RXFP1: variants seen among roughly 807,000 people sequenced by gnomAD.
RXFP1 encodes relaxin receptor 1.
A neutral mutation model predicts 89.8 loss-of-function variants in RXFP1; 73 were observed. That is an observed-to-expected ratio of 0.81 (90% CI 0.67 to 0.99). The LOEUF (loss-of-function observed/expected upper bound fraction) is 0.99. Among genes scored for constraint, RXFP1 ranks in the 50% least tolerant of loss-of-function variants. The pLI is 0.00. For missense variants in RXFP1, 793 were observed against 895.5 expected (o/e 0.89, Z 1.46); for synonymous variants, 277 against 305.5 (o/e 0.91, Z 0.97).
intron 8 of RXFP1, among the ~76,000 whole-genome samples, chr4:158,613,961 T>C (rs1303793144): frequency 1.3e-5 from 2 of 152,206 alleles, no homozygotes; most frequent in Non-Finnish European, 2.9e-5. Flanking sequence ...ATGGATGTCG[T>C]GTTAGCAGGC....
intron 9 of RXFP1, among the ~76,000 whole-genome samples, chr4:158,625,536 C>T (rs569359378): frequency 6.6e-6 from 1 of 152,052 alleles, no homozygotes; most frequent in Non-Finnish European, 1.5e-5. Flanking sequence ...TCAAATATAT[C>T]TCTCATTTTG....
chr4:158,591,028 G>A (rs900770945), intron 2 of RXFP1, among the ~76,000 whole-genome samples: 11 of 152,112 alleles, frequency 7.2e-5, no homozygotes, highest in Non-Finnish European at 1.6e-4. Flanking sequence ...TGCAGTAACT[G>A]CCCTAACTGC....
At chr4:158,524,803 T>C (rs1419151863) in intron 1 of RXFP1, among the ~76,000 whole-genome samples, 1 of 151,322 alleles carries the variant, frequency 6.6e-6, no homozygotes, top group Non-Finnish European at 1.5e-5. Flanking sequence ...CAGAAAATGC[T>C]GTATTATTTC....
At chr4:158,591,266 A>G (rs1213854629) in intron 2 of RXFP1, among the ~76,000 whole-genome samples, 1 of 152,186 alleles carries the variant, frequency 6.6e-6, no homozygotes, top group Non-Finnish European at 1.5e-5. Context: ...TTTAGTCTCT[A>G]TTTGGCTATA....
chr4:158,609,833 A>G (rs73860543), intron 6 of RXFP1, among the ~76,000 whole-genome samples: 288 of 152,324 alleles, frequency 1.9e-3, no homozygotes, highest in African/African-American at 6.5e-3. Context: ...TGCAAAATTT[A>G]CTAAACACTA....
At chr4:158,638,119 G>T in intron 13 of RXFP1, 40 bp downstream of exon 13, 1 of 1,195,534 alleles carries the variant, frequency 8.4e-7, no homozygotes, top group Non-Finnish European at 1.2e-6. Flanking sequence ...TGATAAAATT[G>T]TTTTTTAAAT....
chr4:158,534,341 G>A lies in RXFP1; in HGVS notation c.49+12316G>A, dbSNP rs142296752. Among the ~76,000 whole-genome samples the A allele has an allele frequency of 9.8e-3, 1,483 of 151,048 alleles. 24 individuals carry two copies. The highest frequency in any genetic ancestry group is 0.033 in the African/African-American group (1,370 of 41,076). ...CTGCTCATTGCAACCTCCACCTCCT[G>A]GGTTCAAATGATTCTGCTGCCTCAG... On this transcript the variant is annotated intron_variant, in intron 1 of 17. Coordinates refer to ENST00000307765, the MANE Select transcript of RXFP1 (RefSeq NM_021634.4).
At chr4:158,564,048 G>T (rs1381287049) in intron 1 of RXFP1, among the ~76,000 whole-genome samples, 1 of 151,192 alleles carries the variant, frequency 6.6e-6, no homozygotes, top group Non-Finnish European at 1.5e-5. Flanking sequence ...CTTAATGTAA[G>T]GTCTGATCTT....
At chr4:158,583,956 G>C (rs2150037404) in intron 2 of RXFP1, among the ~76,000 whole-genome samples, 1 of 152,280 alleles carries the variant, frequency 6.6e-6, no homozygotes, top group South Asian at 2.1e-4. Context: ...TAAATTCAAA[G>C]AAACTCCACA....
intron 2 of RXFP1, among the ~76,000 whole-genome samples, chr4:158,583,028 T>G (rs750562937): frequency 7.2e-5 from 11 of 152,226 alleles, no homozygotes; most frequent in Non-Finnish European, 1.3e-4. Context: ...TGAAAGTGGT[T>G]AATTCTAGCT....
intron 6 of RXFP1, among the ~76,000 whole-genome samples, chr4:158,611,287 A>G (rs1323941134): frequency 6.6e-6 from 1 of 152,228 alleles, no homozygotes. Flanking sequence ...GAATTGCTAC[A>G]CTAGAGAGAT....
intron 8 of RXFP1, among the ~76,000 whole-genome samples, chr4:158,616,195 G>A (rs1220555756): frequency 6.6e-6 from 1 of 152,128 alleles, no homozygotes; most frequent in Admixed American, 6.5e-5. Flanking sequence ...GCCGAGGTGG[G>A]CAGATCACCT....
At chr4:158,630,924 C>G (rs1276363422) in intron 11 of RXFP1, among the ~76,000 whole-genome samples, 1 of 152,198 alleles carries the variant, frequency 6.6e-6, no homozygotes, top group East Asian at 1.9e-4. Context: ...CTTTAAGTAG[C>G]TCTAGTGACA....
chr4:158,602,310 T>C (rs1300816888), intron 4 of RXFP1, among the ~76,000 whole-genome samples: 1 of 152,208 alleles, frequency 6.6e-6, no homozygotes, highest in Non-Finnish European at 1.5e-5. Context: ...GGTCTTTCAA[T>C]GAGCCTCACT....
rs370709757 is a variant in RXFP1, at chr4:158,647,066, A to G, written c.1621A>G (p.Ile541Val). The change falls in exon 16 of 18, where the codon ATA (isoleucine) becomes GTA (valine). Residue 541 changes from isoleucine (I) to valine (V), a missense_variant. Ile to Val is a conservative substitution (Grantham distance 29, BLOSUM62 3). Coordinates refer to ENST00000307765, the MANE Select transcript of RXFP1 (RefSeq NM_021634.4). The stretch of plus-strand genomic sequence containing the variant: ...GATTCTCATTTGGATTACTGGTTTT[A>G]TAGTGGCTTTCATTCCATTGAGCAA... ...VLILIWITGF[I>V]VAFIPLSNKE... is the part of the protein sequence containing the mutation. 7.7e-5 allele frequency: 124 copies of G among 1,614,200 alleles called. 1 individual carries two copies. The East Asian group carries it at 1.6e-3, about 21-fold the overall frequency.
intron 2 of RXFP1, among the ~76,000 whole-genome samples, chr4:158,580,215 TGAG>T (rs1044820566): frequency 1.2e-4 from 19 of 152,176 alleles, no homozygotes; most frequent in East Asian, 3.9e-4. Flanking sequence ...CCTAGGATAA[TGAG>T]GAGGAGGACT....
At chr4:158,643,901 A>G (rs1313379562) in intron 14 of RXFP1, among the ~76,000 whole-genome samples, 2 of 152,028 alleles carry the variant, frequency 1.3e-5, no homozygotes, top group Non-Finnish European at 1.5e-5. Flanking sequence ...AGCATTTGTT[A>G]CTTTTTGGTC....
chr4:158,550,564 G>A (rs920327338), intron 1 of RXFP1, among the ~76,000 whole-genome samples: 8 of 152,314 alleles, frequency 5.3e-5, no homozygotes, highest in East Asian at 1.9e-4. Flanking sequence ...GCTGTAGACC[G>A]GAGCTGTTCC....
At chr4:158,596,085 G>A (rs1760527295) in intron 3 of RXFP1, among the ~76,000 whole-genome samples, 2 of 151,656 alleles carry the variant, frequency 1.3e-5, no homozygotes, top group Admixed American at 6.6e-5. Context: ...TCCAGCCTAG[G>A]CAACAGAACA....
Sources: allele counts gnomAD v4.1 joint callset (sites outside exome capture counted in the v4.1 genomes callset), GRCh38; gene constraint gnomAD v4.1.1; transcripts MANE v1.5; gene names NCBI Gene and HGNC (gene_info 2026-07-23, HGNC 2026-07-21).